Variants in IMPG2 observed in about 807,000 individuals in gnomAD.
The protein encoded by IMPG2 is IPM 200.
IMPG2 carries 91 observed loss-of-function variants against 129.2 expected under a neutral mutation model. The observed-to-expected ratio is 0.70, with a 90% CI of 0.59 to 0.84. IMPG2 has a LOEUF of 0.84. Ranked by LOEUF, IMPG2 falls within the 40% of genes least tolerant of loss-of-function variation. IMPG2 has a pLI of 0.00. For missense variants in IMPG2, 1,430 were observed against 1,461.7 expected (o/e 0.98, Z 0.35); for synonymous variants, 510 against 517.7 (o/e 0.99, Z 0.20).
chr3:101,289,984 C>T (rs545327611), intron 4 of IMPG2, among the ~76,000 whole-genome samples: 20 of 150,344 alleles, frequency 1.3e-4, no homozygotes, highest in African/African-American at 4.4e-4. Flanking sequence ...ATGAGAGGAA[C>T]GTAGAAAGAA....
chr3:101,244,651 A>T lies in IMPG2; in HGVS notation c.1680T>A (p.Tyr560Ter), dbSNP rs758291149. Residue 560 changes from tyrosine to a stop codon, truncating the protein, a stop_gained, in exon 13 of 19, where the codon TAT (tyrosine) becomes TAA (stop). Transcript: ENST00000193391. LOFTEE classifies it high-confidence loss of function. ...DSDVSLTSSP[Y>*]LTSSIPFGLD... ...AGCCAAAAGGTATAGAAGAGGTCAGATATGGTGAAGATGTTAAGGACACAT... is the reference window on the plus strand; with the variant it reads ...AGCCAAAAGGTATAGAAGAGGTCAGTTATGGTGAAGATGTTAAGGACACAT... 2 of 1,613,870 alleles carry T rather than the reference A, an allele frequency of 1.2e-6. No individual in the cohort carries two copies. Among genetic ancestry groups the T allele is most frequent in the South Asian group, 2.2e-5 (2 of 90,992 alleles).
Position 101,269,670 on chromosome 3 carries a change from C to T in IMPG2, c.829-97G>A, listed in dbSNP as rs1011266989. On this transcript the variant is annotated intron_variant, in intron 7 of 18. Coordinates refer to ENST00000193391, the MANE Select transcript of IMPG2 (RefSeq NM_016247.4). ...AGAGTAGAATAAAAAGTGAACTGTTCACAACTATTAGAAGCTTATACACTT... is the reference window on the plus strand; with the variant it reads ...AGAGTAGAATAAAAAGTGAACTGTTTACAACTATTAGAAGCTTATACACTT... The T allele has an allele frequency of 1.2e-5, 9 of 772,020 alleles. No individual in the cohort carries two copies. The Admixed American group carries it at 1.3e-4, about 11-fold the overall frequency. The allele number at this position is 772,020 out of a possible 1,614,324, so 47.8% of individuals were successfully genotyped here.
chr3:101,237,606 G>A (rs1706361338), intron 14 of IMPG2, among the ~76,000 whole-genome samples: 1 of 152,142 alleles, frequency 6.6e-6, no homozygotes, highest in Non-Finnish European at 1.5e-5. Flanking sequence ...GCAAGCTCCA[G>A]CAGACCTGCA....
rs190538831 is a variant in IMPG2, at chr3:101,234,712, G to C, written c.3023-1721C>G. 5.9e-3 allele frequency among the ~76,000 whole-genome samples: 896 copies of C among 152,264 alleles called. 10 individuals are homozygous for C. Among genetic ancestry groups the C allele is most frequent in the African/African-American group, 0.021 (867 of 41,544 alleles). ...ATCCTTACCCAGCAGTGAGGGATAG[G>C]AGTGTCTATAGGGGTGAGGAAGATG... is the stretch of plus-strand genomic sequence containing the variant. On this transcript the variant is annotated intron_variant, in intron 14 of 18. Transcript: ENST00000193391.
At chr3:101,252,357 A>G (rs1243483900) in intron 11 of IMPG2, among the ~76,000 whole-genome samples, 2 of 152,166 alleles carry the variant, frequency 1.3e-5, no homozygotes, top group Non-Finnish European at 2.9e-5. Context: ...TCTTTACAAT[A>G]TGATTCTAAA....
At position 101,224,709 on chromosome 3, in the gene IMPG2, C is replaced by G. The variant is rs1399304177; in HGVS notation, c.*2260G>C. On this transcript the variant is annotated 3_prime_UTR_variant, in exon 19 of 19. Coordinates refer to ENST00000193391, the MANE Select transcript of IMPG2 (RefSeq NM_016247.4). ...AACAGTGGTTCAGCTATAGCAAAGG[C>G]AGGACAAAAGTTGTATTCCTCAACT... 6.6e-6 allele frequency: 1 copy of G among 152,208 alleles called. No individual in the cohort carries two copies. The highest frequency in any genetic ancestry group is 1.9e-4 in the East Asian group (1 of 5,200). The allele number at this position is 152,208 out of a possible 1,614,324, so 9.4% of individuals were successfully genotyped here.
At chr3:101,287,784 A>C (rs1282130649) in intron 4 of IMPG2, among the ~76,000 whole-genome samples, 1 of 152,166 alleles carries the variant, frequency 6.6e-6, no homozygotes, top group Non-Finnish European at 1.5e-5. Flanking sequence ...AAACTATAAA[A>C]ATTCTAGAAG....
At chr3:101,298,355 G>T (rs1307309104) in intron 3 of IMPG2, among the ~76,000 whole-genome samples, 1 of 151,498 alleles carries the variant, frequency 6.6e-6, no homozygotes, top group Non-Finnish European at 1.5e-5. Flanking sequence ...TATCCAATTT[G>T]CCTGTCTGTG....
chr3:101,276,300 T>C (rs1435602865), intron 5 of IMPG2, among the ~76,000 whole-genome samples: 1 of 152,198 alleles, frequency 6.6e-6, no homozygotes, highest in Non-Finnish European at 1.5e-5. Flanking sequence ...AGAAAATCCT[T>C]ACTCTGGGAA....
At position 101,276,717 on chromosome 3, in the gene IMPG2, G is replaced by GA. The variant is rs567795716; in HGVS notation, c.534-5dup. 4,205 of 1,584,246 alleles carry GA rather than the reference G, an allele frequency of 2.7e-3. 7 individuals are homozygous for GA. The highest frequency in any genetic ancestry group is 3.3e-3 in the Non-Finnish European group (3,836 of 1,157,040). On this transcript the variant is annotated splice_region_variant and splice_polypyrimidine_tract_variant and intron_variant, in intron 4 of 18. Coordinates refer to ENST00000193391, the MANE Select transcript of IMPG2 (RefSeq NM_016247.4). Reference sequence around the variant, plus strand: ...AACTGGAGAAGACAGTTCAGAGCTAGAAAAAAAAATGTTTGCAGTTAATAA... The same window carrying GA: ...AACTGGAGAAGACAGTTCAGAGCTAGAAAAAAAAAATGTTTGCAGTTAATAA...
chr3:101,260,285 A>G (rs1706655818), intron 9 of IMPG2, among the ~76,000 whole-genome samples: 1 of 152,280 alleles, frequency 6.6e-6, no homozygotes, highest in Middle Eastern at 3.4e-3. Flanking sequence ...GTAACTGAGC[A>G]CTTTGACACC....
At chr3:101,251,179 G>A (rs958103336) in intron 11 of IMPG2, among the ~76,000 whole-genome samples, 2 of 152,162 alleles carry the variant, frequency 1.3e-5, no homozygotes, top group East Asian at 3.9e-4. Flanking sequence ...CATTAGGAAA[G>A]CAGCTGAATC....
rs1049678705 is a variant in IMPG2 at position 101,226,944 on chromosome 3, A to T, written c.*25T>A. On this transcript the variant is annotated 3_prime_UTR_variant, in exon 19 of 19. Transcript: ENST00000193391. The stretch of plus-strand genomic sequence containing the variant: ...AATCTCCATCTTCTCCAGGCTTCTA[A>T]TCAGTTTCAGAACAGGAGTTTTGGT... The T allele has an allele frequency of 1.9e-6, 3 of 1,611,278 alleles. No homozygotes were observed. The African/African-American group carries it at 4.0e-5, about 22-fold the overall frequency.
intron 14 of IMPG2, among the ~76,000 whole-genome samples, chr3:101,236,571 C>T (rs950638459): frequency 6.6e-5 from 10 of 152,222 alleles, no homozygotes; most frequent in East Asian, 1.9e-4. Flanking sequence ...TAGGGTGGTG[C>T]GTCACCTCAC....
intron 15 of IMPG2, 80 bp from the exon 16 acceptor site, chr3:101,231,225 C>A: frequency 7.5e-7 from 1 of 1,342,212 alleles, no homozygotes; most frequent in Non-Finnish European, 1.1e-6. Flanking sequence ...TTCTGAGGGA[C>A]TAGAGGAAAG....
chr3:101,282,107 T>G (rs75878601), intron 4 of IMPG2, among the ~76,000 whole-genome samples: 5,370 of 152,198 alleles, frequency 0.035, 334 homozygotes, highest in African/African-American at 0.12. Flanking sequence ...TAAAAATAAA[T>G]TTGAATAGTG....
intron 15 of IMPG2, 38 bp from the exon 16 acceptor site, chr3:101,231,183 C>T (rs1255675934): frequency 1.3e-6 from 2 of 1,596,194 alleles, no homozygotes; most frequent in Non-Finnish European, 1.7e-6. Flanking sequence ...ATCTGAATCA[C>T]TCTGCTCACA....
At chr3:101,240,573 C>T (rs916225806) in intron 14 of IMPG2, among the ~76,000 whole-genome samples, 1 of 152,150 alleles carries the variant, frequency 6.6e-6, no homozygotes, top group Non-Finnish European at 1.5e-5. Context: ...AATATTACCC[C>T]CATTTAATAT....
In IMPG2 at chr3:101,244,511, T is replaced by C. The variant is rs1706452520; in HGVS notation, c.1820A>G (p.Gln607Arg). 6.2e-7 allele frequency: 1 copy of C among 1,608,532 alleles called. No individual in the cohort carries two copies. Among genetic ancestry groups the C allele is most frequent in the East Asian group, 2.2e-5 (1 of 44,754 alleles). Residue 607 changes from glutamine (Q) to arginine (R), a missense_variant, in exon 13 of 19, where the codon CAA (glutamine) becomes CGA (arginine). By Grantham distance (43) the Gln-to-Arg change is conservative. Coordinates refer to ENST00000193391, the MANE Select transcript of IMPG2 (RefSeq NM_016247.4). ...TGGCCAAGTAATCAGATCTACCTTT[T>C]GCCCAGACCCTGAACCTAAACCACC... Reference protein sequence around the residue: ...FDGGLGSGSGQKVDLITWPWS... With the variant: ...FDGGLGSGSGRKVDLITWPWS...
Sources: gnomAD v4.1 joint callset for allele counts (sites outside exome capture counted in the v4.1 genomes callset) on GRCh38, gnomAD v4.1.1 for gene constraint, MANE v1.5 for transcripts, NCBI Gene and HGNC (gene_info 2026-07-23, HGNC 2026-07-21) for gene names.